Variants in MPND observed in about 807,000 individuals in gnomAD.
MPND encodes the protein MPN domain-containing protein.
A neutral mutation model predicts 59.2 loss-of-function variants in MPND; 56 were observed. The observed-to-expected ratio is 0.95, with a 90% CI of 0.76 to 1.18. MPND has a LOEUF of 1.18. Ranked by LOEUF, MPND falls within the 50% of genes most tolerant of loss-of-function variation. MPND has a pLI of 0.00. For synonymous variants in MPND, 323 were observed against 291.9 expected, an observed-to-expected ratio of 1.11 and a Z score of -1.09; for missense variants, 671 against 676.0, an observed-to-expected ratio of 0.99 and a Z score of 0.08.
intron 4 of MPND, among the ~76,000 whole-genome samples, chr19:4,353,583 A>G (rs1037093322): frequency 6.7e-6 from 1 of 149,486 alleles, no homozygotes; most frequent in Non-Finnish European, 1.5e-5. Flanking sequence ...TTTTTTTGAG[A>G]CAGGGTTTTG....
chr19:4,359,073 A>T, intron 11 of MPND, 90 bp from the exon 12 acceptor site: 1 of 834,366 alleles, frequency 1.2e-6, no homozygotes, highest in Non-Finnish European at 2.0e-6. Flanking sequence ...GTCATGTCTC[A>T]GGGCTGCCTG....
chr19:4,359,329 G>A, intron 12 of MPND, 74 bp downstream of exon 12: 2 of 1,141,834 alleles, frequency 1.8e-6, no homozygotes, highest in Non-Finnish European at 2.6e-6. Flanking sequence ...AAAGGTGGCA[G>A]CAATGAGCCC....
intron 2 of MPND, among the ~76,000 whole-genome samples, chr19:4,345,118 G>A (rs1175713727): frequency 2.1e-5 from 3 of 145,286 alleles, no homozygotes; most frequent in African/African-American, 7.8e-5. Flanking sequence ...CATGATCTCG[G>A]CTCACTGCAA....
In MPND at chr19:4,358,141, G is replaced by A. The variant is rs1310664443; in HGVS notation, c.1295G>A (p.Ser432Asn). 6.4e-7 allele frequency: 1 copy of A among 1,551,460 alleles called. No homozygotes were observed. Among genetic ancestry groups the A allele is most frequent in the Non-Finnish European group, 8.7e-7 (1 of 1,146,954 alleles). Residue 432 changes from serine (S) to asparagine (N), a missense_variant, in exon 11 of 13, where the codon AGC (serine) becomes AAC (asparagine). Coordinates refer to ENST00000599840, the MANE Select transcript of MPND (RefSeq NM_001300862.2). ...MDVEMAYVQD[S>N]FLTNDILHEM... The stretch of plus-strand genomic sequence containing the variant: ...GTGGAGATGGCCTACGTCCAGGACA[G>A]CTTCCTGACCAATGACATCCTTCAC...
At chr19:4,357,852 T>C in intron 10 of MPND, 1 of 606,092 alleles carries the variant, frequency 1.6e-6, no homozygotes, top group South Asian at 2.0e-5. Flanking sequence ...TGCCCTGAAG[T>C]CAGAGGTCAG....
chr19:4,354,507 T>C, intron 6 of MPND, 87 bp downstream of exon 6: 2 of 1,068,954 alleles, frequency 1.9e-6, no homozygotes, highest in Non-Finnish European at 2.8e-6. Flanking sequence ...ATCAGCTCCA[T>C]GAGAGCTGGG....
At chr19:4,359,129 G>A in intron 11 of MPND, 34 bp from the exon 12 acceptor site, 1 of 1,503,644 alleles carries the variant, frequency 6.7e-7, no homozygotes, top group Non-Finnish European at 9.2e-7. Flanking sequence ...AGGCTTGGAG[G>A]GAGCCTGGGA....
At chr19:4,357,454 AG>A (rs761510516) in intron 9 of MPND, 33 bp downstream of exon 9, 9 of 1,608,226 alleles carry the variant, frequency 5.6e-6, no homozygotes, top group African/African-American at 1.3e-5. Context: ...GGGAGCAAGG[AG>A]GGGGGATGCT....
intron 3 of MPND, among the ~76,000 whole-genome samples, chr19:4,352,474 C>T (rs554464942): frequency 1.1e-3 from 165 of 152,106 alleles, no homozygotes; most frequent in Non-Finnish European, 1.8e-3. Flanking sequence ...CACCTGAGGT[C>T]GGGAGTTTGA....
chr19:4,356,441 A>C (rs1972440001), intron 8 of MPND, among the ~76,000 whole-genome samples: 1 of 152,104 alleles, frequency 6.6e-6, no homozygotes, highest in South Asian at 2.1e-4. Flanking sequence ...TCTATTTGAG[A>C]GGCTGAGGCA....
intron 2 of MPND, among the ~76,000 whole-genome samples, chr19:4,344,388 C>T (rs954820669): frequency 1.3e-5 from 2 of 151,210 alleles, no homozygotes; most frequent in Non-Finnish European, 3.0e-5. Flanking sequence ...AGGCCCAGAG[C>T]TCCTTTCCTG....
chr19:4,350,230 G>T (rs746289693), intron 3 of MPND, among the ~76,000 whole-genome samples: 1 of 152,172 alleles, frequency 6.6e-6, no homozygotes, highest in East Asian at 1.9e-4. Context: ...ACAGCGAGGA[G>T]CCTGTGTGGC....
intron 4 of MPND, 65 bp from the exon 5 acceptor site, chr19:4,353,980 A>C: frequency 4.4e-6 from 6 of 1,376,942 alleles, no homozygotes; most frequent in Non-Finnish European, 4.1e-6. Context: ...CACCACACCC[A>C]GTGGCCACCT....
chr19:4,346,125 A>T (rs1169235310), intron 3 of MPND, 144 bp downstream of exon 3: 16 of 707,958 alleles, frequency 2.3e-5, no homozygotes, highest in Non-Finnish European at 2.1e-5. Flanking sequence ...TGCCTCCTCC[A>T]TCCCTCCAGG....
chr19:4,349,169 G>A (rs866008757), intron 3 of MPND: 3 of 152,564 alleles, frequency 2.0e-5, no homozygotes, highest in South Asian at 2.0e-4. Context: ...CCGGGTTCAC[G>A]CAATTCTTCT....
intron 3 of MPND, among the ~76,000 whole-genome samples, chr19:4,350,759 G>T (rs1972298837): frequency 6.6e-6 from 1 of 152,110 alleles, no homozygotes; most frequent in African/African-American, 2.4e-5. Context: ...AGGCAGCTGG[G>T]CCCTGAGTCT....
At chr19:4,355,427 C>T (rs1972416468) in intron 8 of MPND, among the ~76,000 whole-genome samples, 1 of 152,018 alleles carries the variant, frequency 6.6e-6, no homozygotes, top group African/African-American at 2.4e-5. Context: ...GCTCCGCCTC[C>T]CGGGTTCACG....
At chr19:4,346,505 C>A (rs769795730) in intron 3 of MPND, among the ~76,000 whole-genome samples, 1 of 151,962 alleles carries the variant, frequency 6.6e-6, no homozygotes, top group Non-Finnish European at 1.5e-5. Flanking sequence ...ACAGCCTTCA[C>A]CTCCTGGGTT....
rs2144833181 is a variant in MPND at position 4,354,979 on chromosome 19, G to T, written c.877G>T (p.Val293Phe). Reference sequence around the variant, plus strand: ...CCACAGTCACCTGACACGGAGTGAGGTCGTGGGTTACCTGGGGGGCCGCTG... The same window carrying T: ...CCACAGTCACCTGACACGGAGTGAGTTCGTGGGTTACCTGGGGGGCCGCTG... ...DFHSHLTRSE[V>F]VGYLGGRWDV... is the part of the protein sequence containing the mutation. The change falls in exon 7 of 13, where the codon GTC becomes TTC. Residue 293 changes from valine (V) to phenylalanine (F), a missense_variant. Val to Phe is a conservative substitution (Grantham distance 50, BLOSUM62 -1). Transcript: ENST00000599840. The T allele has an allele frequency of 6.2e-7, 1 of 1,607,140 alleles. No individual in the cohort carries two copies. The highest frequency in any genetic ancestry group is 1.1e-5 in the South Asian group (1 of 90,258).
Sources: gnomAD v4.1 joint callset for allele counts (sites outside exome capture counted in the v4.1 genomes callset) on GRCh38, gnomAD v4.1.1 for gene constraint, MANE v1.5 for transcripts, NCBI Gene and HGNC (gene_info 2026-07-23, HGNC 2026-07-21) for gene names.